TXNDC8: variants seen among roughly 807,000 people sequenced by gnomAD.
TXNDC8 encodes thioredoxin domain containing 8, also known as thioredoxin domain-containing protein 8.
A neutral mutation model predicts 12.9 loss-of-function variants in TXNDC8; 15 were observed. That is an observed-to-expected ratio of 1.16 (90% confidence interval 0.78 to 1.79). The LOEUF (loss-of-function observed/expected upper bound fraction) is 1.79. Ranked by LOEUF, TXNDC8 falls within the 40% of genes most tolerant of loss-of-function variation. TXNDC8 has a pLI of 0.00. For missense variants in TXNDC8, 128 were observed against 113.2 expected (o/e 1.13, Z -0.59); for synonymous variants, 40 against 35.4 (o/e 1.13, Z -0.46).
intron 3 of TXNDC8, among the ~76,000 whole-genome samples, chr9:110,309,494 C>G (rs1430316875): frequency 1.3e-5 from 2 of 152,158 alleles, no homozygotes. Context: ...CACCACCATG[C>G]CTGGCTATTT....
At chr9:110,312,102 T>A (rs1198370793) in intron 3 of TXNDC8, among the ~76,000 whole-genome samples, 1 of 152,046 alleles carries the variant, frequency 6.6e-6, no homozygotes, top group African/African-American at 2.4e-5. Context: ...TTTCTTAAAA[T>A]GTTGCTGATC....
At chr9:110,326,079 T>A in intron 3 of TXNDC8, 96 bp downstream of exon 4, 1 of 1,157,876 alleles carries the variant, frequency 8.6e-7, no homozygotes, top group South Asian at 1.3e-5. Context: ...AAAATAAATG[T>A]AGTTATTTCA....
In TXNDC8 at chr9:110,322,882, C is replaced by T. The variant is rs147461941; in HGVS notation, c.195+3293G>A. ...GAGTATTTTCTATCCACTTGGGATT[C>T]TTCTAGTCACTGAGCTTTCAAATCA... On this transcript the variant is annotated intron_variant, in intron 3 of 4. Transcript: ENST00000423740. 358 of 985,416 alleles carry T rather than the reference C, an allele frequency of 3.6e-4. 2 individuals carry two copies. In the South Asian group the frequency reaches 6.4e-3, roughly 18 times the overall value. The allele number at this position is 985,416 out of a possible 1,614,324, so 61.0% of individuals were successfully genotyped here. A position where few individuals can be genotyped will look rare whatever the true frequency, so the allele number is the denominator to read the frequency against.
At chr9:110,336,892 AG>A (rs1316675659) in intron 1 of TXNDC8, among the ~76,000 whole-genome samples, 1 of 152,178 alleles carries the variant, frequency 6.6e-6, no homozygotes, top group East Asian at 1.9e-4. Context: ...GCCTCTGGAA[AG>A]GTCCCTGGGG....
At chr9:110,316,984 A>G (rs184358025) in intron 3 of TXNDC8, among the ~76,000 whole-genome samples, 26 of 152,340 alleles carry the variant, frequency 1.7e-4, no homozygotes, top group African/African-American at 6.3e-4. Flanking sequence ...AGGGTCGGAT[A>G]TGGCCCTGGG....
intron 3 of TXNDC8, among the ~76,000 whole-genome samples, chr9:110,317,567 G>C (rs1838932601): frequency 6.6e-6 from 1 of 152,204 alleles, no homozygotes; most frequent in Admixed American, 6.5e-5. Flanking sequence ...CACTTTTGGG[G>C]CTTGATAGTT....
chr9:110,301,773 T>C (rs981686332), downstream of TXNDC8, among the ~76,000 whole-genome samples: 1 of 152,164 alleles, frequency 6.6e-6, no homozygotes, highest in Non-Finnish European at 1.5e-5. Flanking sequence ...GAGTCCCCCA[T>C]AGCTTTCCTC....
At chr9:110,330,525 A>G (rs556053102) in intron 2 of TXNDC8, among the ~76,000 whole-genome samples, 2 of 152,326 alleles carry the variant, frequency 1.3e-5, no homozygotes, top group East Asian at 3.9e-4. Flanking sequence ...CACAGACTAC[A>G]TATTGCCTTC....
intron 2 of TXNDC8, among the ~76,000 whole-genome samples, chr9:110,330,444 C>T (rs938269909): frequency 1.3e-5 from 2 of 152,224 alleles, no homozygotes; most frequent in Admixed American, 1.3e-4. Flanking sequence ...CAAGATCCTA[C>T]TTGATCTGGC....
chr9:110,314,130 T>C (rs1055824020), intron 3 of TXNDC8, among the ~76,000 whole-genome samples: 2 of 152,182 alleles, frequency 1.3e-5, no homozygotes, highest in Non-Finnish European at 2.9e-5. Flanking sequence ...AATCCAAATC[T>C]GATTGCCTCC....
chr9:110,316,270 A>G lies in TXNDC8; in HGVS notation c.195+9905T>C, dbSNP rs554613682. ...ATATTATATTCTCTTTTTTAAAAAG[A>G]GGAGTTTACTAAAGCATTGAATAGT... On this transcript the variant is annotated intron_variant, in intron 3 of 4. Transcript: ENST00000423740. Among the ~76,000 whole-genome samples, 91 of 152,204 alleles carry G rather than the reference A, an allele frequency of 6.0e-4. 3 individuals carry two copies. The South Asian group carries it at 0.018, about 30-fold the overall frequency.
At chr9:110,320,708 A>G (rs549822229) in intron 3 of TXNDC8, among the ~76,000 whole-genome samples, 12 of 152,358 alleles carry the variant, frequency 7.9e-5, no homozygotes, top group Non-Finnish European at 1.5e-4. Flanking sequence ...AAGAGGGTCT[A>G]TAAATCCAAT....
chr9:110,304,400 T>C, intron 4 of TXNDC8, 67 bp downstream of exon 5: 1 of 1,424,788 alleles, frequency 7.0e-7, no homozygotes, highest in Non-Finnish European at 9.8e-7. Context: ...CCTGAGTGTG[T>C]CATTATATTT....
At chr9:110,334,362 A>C (rs970716208) in intron 1 of TXNDC8, 42 bp from the exon 2 acceptor site, 16 of 1,510,604 alleles carry the variant, frequency 1.1e-5, no homozygotes, top group African/African-American at 1.4e-5. Flanking sequence ...ATAATCACTG[A>C]ATCTCATGAC....
chr9:110,336,089 C>G (rs1839748290), intron 1 of TXNDC8, among the ~76,000 whole-genome samples: 1 of 152,222 alleles, frequency 6.6e-6, no homozygotes, highest in African/African-American at 2.4e-5. Flanking sequence ...GCCGCCATGT[C>G]AGACATGCCT....
intron 2 of TXNDC8, 95 bp from the exon 3 acceptor site, chr9:110,329,386 G>C (rs1316384067): frequency 1.1e-6 from 1 of 925,702 alleles, no homozygotes; most frequent in Admixed American, 2.4e-5. Context: ...AAATTGAACA[G>C]AAAGGCTGTT....
At chr9:110,332,860 T>A (rs1303395988) in intron 2 of TXNDC8, among the ~76,000 whole-genome samples, 1 of 152,176 alleles carries the variant, frequency 6.6e-6, no homozygotes, top group Non-Finnish European at 1.5e-5. Context: ...TACAACTCAC[T>A]AGAATATTTT....
intron 2 of TXNDC8, among the ~76,000 whole-genome samples, chr9:110,333,150 T>G (rs1459127830): frequency 1.3e-5 from 2 of 152,106 alleles, no homozygotes; most frequent in African/African-American, 4.8e-5. Flanking sequence ...AGAGATCTGA[T>G]ATACCAGGCA....
chr9:110,332,909 G>A (rs1488681038), intron 2 of TXNDC8, among the ~76,000 whole-genome samples: 3 of 152,188 alleles, frequency 2.0e-5, no homozygotes, highest in Non-Finnish European at 2.9e-5. Context: ...CATGCAAGGC[G>A]TATTATTCGC....
Sources: allele counts gnomAD v4.1 joint callset (sites outside exome capture counted in the v4.1 genomes callset), GRCh38; gene constraint gnomAD v4.1.1; transcripts MANE v1.5; gene names NCBI Gene and HGNC (gene_info 2026-07-23, HGNC 2026-07-21).